CDH13: variants seen among roughly 807,000 people sequenced by gnomAD.
CDH13 encodes cadherin-13.
Under a neutral mutation model 63.8 loss-of-function variants are expected in CDH13, and 24 were observed. The observed-to-expected ratio is 0.38, with a 90% CI of 0.27 to 0.53. CDH13 has a LOEUF of 0.53. CDH13 is among the 20% of genes least tolerant of loss of function. CDH13 has a pLI of 0.85. For missense variants in CDH13, 1,049 were observed against 903.1 expected, an observed-to-expected ratio of 1.16 and a Z score of -2.07; for synonymous variants, 503 against 355.3, an observed-to-expected ratio of 1.42 and a Z score of -4.67.
chr16:83,028,286 A>T (rs1427501436), intron 2 of CDH13, among the ~76,000 whole-genome samples: 1 of 152,240 alleles, frequency 6.6e-6, no homozygotes, highest in South Asian at 2.1e-4. Flanking sequence ...GAAACTAAGC[A>T]TGTTCAATTC....
chr16:83,352,308 C>G (rs905307253), intron 6 of CDH13, among the ~76,000 whole-genome samples: 1 of 152,168 alleles, frequency 6.6e-6, no homozygotes, highest in Non-Finnish European at 1.5e-5. Flanking sequence ...CTGAACTTCA[C>G]TAGCTATTGA....
At chr16:82,749,930 T>C (rs542574646) in intron 1 of CDH13, among the ~76,000 whole-genome samples, 1 of 152,314 alleles carries the variant, frequency 6.6e-6, no homozygotes, top group Admixed American at 6.5e-5. Context: ...TGAAGGCTCC[T>C]GTCTCTAGAA....
chr16:82,863,025 G>A (rs532097719), intron 2 of CDH13, among the ~76,000 whole-genome samples: 2 of 152,328 alleles, frequency 1.3e-5, no homozygotes, highest in East Asian at 1.9e-4. Context: ...CATATTCTAA[G>A]ATCTAATCAT....
chr16:83,508,100 G>GGAAGGAAGGAAGGAAGGAAGC (rs1567722270), intron 7 of CDH13, among the ~76,000 whole-genome samples: 1 of 59,604 alleles, frequency 1.7e-5, no homozygotes. Flanking sequence ...AGGAAGGAAA[G>GGAAGGAAGGAAGGAAGGAAGC]AAGGAAGGAA....
intron 5 of CDH13, among the ~76,000 whole-genome samples, chr16:83,267,131 C>A (rs1193139770): frequency 6.6e-6 from 1 of 152,192 alleles, no homozygotes; most frequent in Non-Finnish European, 1.5e-5. Context: ...ATGCCTCATT[C>A]TTTGCTAAAA....
chr16:83,168,055 G>T (rs1004301702), intron 4 of CDH13, among the ~76,000 whole-genome samples: 2 of 151,966 alleles, frequency 1.3e-5, no homozygotes, highest in African/African-American at 4.8e-5. Context: ...CTAGAGTGGG[G>T]AGGGAAAGAG....
At chr16:83,065,811 T>C (rs78835306) in intron 3 of CDH13, among the ~76,000 whole-genome samples, 2,509 of 152,014 alleles carry the variant, frequency 0.017, 67 homozygotes, top group African/African-American at 0.057. Flanking sequence ...CTACTGTCTT[T>C]GGGTGGTAGA....
At chr16:83,508,524 A>G (rs1206168876) in intron 7 of CDH13, 1 of 152,608 alleles carries the variant, frequency 6.6e-6, no homozygotes, top group Non-Finnish European at 1.5e-5. Context: ...GAGTGTGCTC[A>G]GTCTTACTGC....
At chr16:83,215,729 G>A (rs150603288) in intron 4 of CDH13, among the ~76,000 whole-genome samples, 245 of 152,176 alleles carry the variant, frequency 1.6e-3, no homozygotes, top group African/African-American at 5.3e-3. Context: ...CCCTCCAGGC[G>A]CTGTTGAGTA....
intron 1 of CDH13, among the ~76,000 whole-genome samples, chr16:82,857,339 A>G (rs928864465): frequency 6.6e-6 from 1 of 152,236 alleles, no homozygotes; most frequent in African/African-American, 2.4e-5. Context: ...CAAAAATGGT[A>G]GCTTTCATTT....
intron 5 of CDH13, among the ~76,000 whole-genome samples, chr16:83,301,679 C>T (rs970328311): frequency 2.6e-5 from 4 of 152,108 alleles, no homozygotes; most frequent in South Asian, 2.1e-4. Flanking sequence ...CCAGCTTGAA[C>T]GTTAGTGTAC....
intron 2 of CDH13, among the ~76,000 whole-genome samples, chr16:82,969,966 C>G (rs929298229): frequency 1.3e-5 from 2 of 150,996 alleles, no homozygotes; most frequent in Non-Finnish European, 2.9e-5. Flanking sequence ...ACTTTAAGTT[C>G]TGGGGTACGT....
chr16:83,662,170 A>G (rs1913499366), intron 8 of CDH13, among the ~76,000 whole-genome samples: 2 of 151,932 alleles, frequency 1.3e-5, no homozygotes, highest in Non-Finnish European at 2.9e-5. Flanking sequence ...TTGAGATGCT[A>G]TTCCTTATTA....
intron 4 of CDH13, among the ~76,000 whole-genome samples, chr16:83,163,420 G>C (rs957771780): frequency 2.0e-5 from 3 of 152,020 alleles, no homozygotes; most frequent in African/African-American, 7.2e-5. Context: ...AAATAACAAT[G>C]GCTATAATTG....
At chr16:82,874,951 C>T (rs981378547) in intron 2 of CDH13, among the ~76,000 whole-genome samples, 1 of 152,160 alleles carries the variant, frequency 6.6e-6, no homozygotes, top group African/African-American at 2.4e-5. Context: ...GTAATCAAAT[C>T]GCATTGTCCA....
At chr16:82,803,230 A>C (rs62036797) in intron 1 of CDH13, among the ~76,000 whole-genome samples, 16,355 of 152,258 alleles carry the variant, frequency 0.11, 1,218 homozygotes, top group East Asian at 0.33. Context: ...GTGCTTGAAT[A>C]GCACCACAAA....
At position 83,441,084 on chromosome 16, in the gene CDH13, A is replaced by G. The variant is rs76915293; in HGVS notation, c.782-45393A>G. Among the ~76,000 whole-genome samples the G allele has an allele frequency of 5.7e-3, 863 of 152,360 alleles. 4 individuals carry two copies. Among genetic ancestry groups the G allele is most frequent in the Non-Finnish European group, 9.4e-3 (639 of 68,040 alleles). On this transcript the variant is annotated intron_variant, in intron 6 of 13. Coordinates refer to ENST00000567109, the MANE Select transcript of CDH13 (RefSeq NM_001257.5). ...CTTTCATCAGAGAGATGTTTACAACAGCAGAAAAATTTAAAAATAAAAATG... is the reference window on the plus strand; with the variant it reads ...CTTTCATCAGAGAGATGTTTACAACGGCAGAAAAATTTAAAAATAAAAATG...
At chr16:83,106,917 A>T (rs2034793592) in intron 3 of CDH13, among the ~76,000 whole-genome samples, 1 of 152,074 alleles carries the variant, frequency 6.6e-6, no homozygotes, top group African/African-American at 2.4e-5. Flanking sequence ...AAAAAAGTAT[A>T]ATCTGGTGTG....
intron 6 of CDH13, among the ~76,000 whole-genome samples, chr16:83,385,048 A>G (rs1056492366): frequency 6.6e-6 from 1 of 152,204 alleles, no homozygotes; most frequent in African/African-American, 2.4e-5. Flanking sequence ...GGTGGCCCCT[A>G]CTGTCTCTAC....
Sources: gnomAD v4.1 joint callset for allele counts (sites outside exome capture counted in the v4.1 genomes callset) on GRCh38, gnomAD v4.1.1 for gene constraint, MANE v1.5 for transcripts, NCBI Gene and HGNC (gene_info 2026-07-23, HGNC 2026-07-21) for gene names.